SEMA5A: variants seen among roughly 807,000 people sequenced by gnomAD.
SEMA5A encodes semaphorin 5A.
Under a neutral mutation model 135.5 loss-of-function variants are expected in SEMA5A, and 55 were observed. The ratio of observed to expected loss-of-function variants is 0.41; its 90% CI spans 0.33 to 0.51. The LOEUF is 0.51. Ranked by LOEUF, SEMA5A falls within the 20% of genes least tolerant of loss-of-function variation. The pLI, the probability that SEMA5A is intolerant of heterozygous loss-of-function variation, is 0.37. For synonymous variants in SEMA5A, 580 were observed against 546.5 expected (o/e 1.06, Z -0.85); for missense variants, 1,290 against 1,419.9 (o/e 0.91, Z 1.47).
At chr5:9,174,235 A>C (rs1015940846) in intron 11 of SEMA5A, among the ~76,000 whole-genome samples, 1 of 152,188 alleles carries the variant, frequency 6.6e-6, no homozygotes, top group African/African-American at 2.4e-5. Flanking sequence ...AAATGTTCTA[A>C]GTGTTAATTT....
intron 16 of SEMA5A, among the ~76,000 whole-genome samples, chr5:9,099,149 T>C (rs1469262547): frequency 6.6e-6 from 1 of 152,196 alleles, no homozygotes; most frequent in Non-Finnish European, 1.5e-5. Flanking sequence ...ATCATTTTTC[T>C]TTTCTCTCCA....
At chr5:9,362,260 A>G (rs1458223389) in intron 3 of SEMA5A, among the ~76,000 whole-genome samples, 2 of 151,952 alleles carry the variant, frequency 1.3e-5, no homozygotes, top group East Asian at 1.9e-4. Flanking sequence ...AGGCATTTCA[A>G]CTTGGGTTCC....
intron 6 of SEMA5A, among the ~76,000 whole-genome samples, 180 bp from the exon 7 acceptor site, chr5:9,227,147 CA>C (rs1747359606): frequency 1.3e-5 from 2 of 151,704 alleles, no homozygotes; most frequent in South Asian, 4.2e-4. Context: ...AGATATTGAC[CA>C]AAAAATAACA....
At chr5:9,487,257 A>G (rs940213036) in intron 1 of SEMA5A, among the ~76,000 whole-genome samples, 1 of 152,216 alleles carries the variant, frequency 6.6e-6, no homozygotes, top group Non-Finnish European at 1.5e-5. Context: ...ACGTGGCAGC[A>G]GGCATTATTC....
intron 8 of SEMA5A, 133 bp from the exon 9 acceptor site, chr5:9,202,373 A>ATAT: frequency 1.4e-6 from 1 of 736,840 alleles, no homozygotes; most frequent in Non-Finnish European, 2.1e-6. Context: ...GACTATTGGG[A>ATAT]GGCCCCGTGA....
intron 1 of SEMA5A, among the ~76,000 whole-genome samples, chr5:9,503,142 A>G (rs1735681774): frequency 6.6e-6 from 1 of 151,994 alleles, no homozygotes; most frequent in Admixed American, 6.6e-5. Context: ...AGAGAGAGAG[A>G]CAGAATGAAT....
chr5:9,187,046 T>A (rs1249288553), intron 11 of SEMA5A, among the ~76,000 whole-genome samples: 1 of 152,156 alleles, frequency 6.6e-6, no homozygotes, highest in Non-Finnish European at 1.5e-5. Flanking sequence ...TAGTTATAAA[T>A]AAGAGACCGG....
chr5:9,150,133 C>T (rs1170378863), intron 12 of SEMA5A, among the ~76,000 whole-genome samples: 1 of 152,332 alleles, frequency 6.6e-6, no homozygotes, highest in African/African-American at 2.4e-5. Flanking sequence ...GTCACCACTT[C>T]CAGCCTTTTC....
At chr5:9,277,802 C>T (rs909402145) in intron 5 of SEMA5A, among the ~76,000 whole-genome samples, 1 of 151,872 alleles carries the variant, frequency 6.6e-6, no homozygotes, top group African/African-American at 2.4e-5. Context: ...ATATCACGCA[C>T]TGTCAGGGGG....
chr5:9,326,614 T>C (rs988956775), intron 4 of SEMA5A, among the ~76,000 whole-genome samples: 2 of 152,036 alleles, frequency 1.3e-5, no homozygotes, highest in Non-Finnish European at 2.9e-5. Flanking sequence ...AACCTACCCC[T>C]ACTAAATATA....
intron 16 of SEMA5A, among the ~76,000 whole-genome samples, chr5:9,080,072 A>T (rs1250483668): frequency 6.6e-6 from 1 of 152,238 alleles, no homozygotes; most frequent in Non-Finnish European, 1.5e-5. Flanking sequence ...ATTATAAGTC[A>T]TTCTACTATA....
chr5:9,238,011 A>G, intron 5 of SEMA5A, 121 bp from the exon 6 acceptor site: 1 of 777,540 alleles, frequency 1.3e-6, no homozygotes, highest in East Asian at 2.6e-5. Context: ...TGGCACCAAC[A>G]TTTTCATACT....
At chr5:9,124,302 G>A (rs1740987155) in intron 13 of SEMA5A, among the ~76,000 whole-genome samples, 1 of 152,160 alleles carries the variant, frequency 6.6e-6, no homozygotes, top group Non-Finnish European at 1.5e-5. Context: ...ACGGCTTCTT[G>A]CCAAATCTGA....
chr5:9,302,982 A>T (rs1195764467), intron 5 of SEMA5A, among the ~76,000 whole-genome samples: 2 of 152,170 alleles, frequency 1.3e-5, no homozygotes, highest in African/African-American at 4.8e-5. Flanking sequence ...AATTTGGGAA[A>T]TTATGGTAAA....
chr5:9,506,919 T>A (rs929025679), intron 1 of SEMA5A, among the ~76,000 whole-genome samples: 1 of 152,158 alleles, frequency 6.6e-6, no homozygotes, highest in African/African-American at 2.4e-5. Context: ...CTGAGATAAC[T>A]TTTAAAATTG....
chr5:9,492,435 C>G (rs1446453273), intron 1 of SEMA5A, among the ~76,000 whole-genome samples: 2 of 152,126 alleles, frequency 1.3e-5, no homozygotes, highest in Non-Finnish European at 2.9e-5. Flanking sequence ...GACCCTTAAG[C>G]AATCCAAAAA....
intron 11 of SEMA5A, among the ~76,000 whole-genome samples, chr5:9,189,410 A>ACC (rs2150344893): frequency 7.1e-6 from 1 of 140,616 alleles, no homozygotes; most frequent in African/African-American, 2.6e-5. Flanking sequence ...AAAAAAAAAA[A>ACC]ACTAACTGGT....
chr5:9,083,898 C>A (rs972636152), intron 16 of SEMA5A, among the ~76,000 whole-genome samples: 1 of 152,188 alleles, frequency 6.6e-6, no homozygotes, highest in African/African-American at 2.4e-5. Flanking sequence ...GACAGACTGA[C>A]TTGTTTCATA....
chr5:9,484,583 C>A (rs1057261297), intron 1 of SEMA5A, among the ~76,000 whole-genome samples: 2 of 152,104 alleles, frequency 1.3e-5, no homozygotes, highest in Non-Finnish European at 2.9e-5. Context: ...TATGGTAGCA[C>A]GATTGAAGTG....
Sources: gnomAD v4.1 joint callset for allele counts (sites outside exome capture counted in the v4.1 genomes callset) on GRCh38, gnomAD v4.1.1 for gene constraint, MANE v1.5 for transcripts, NCBI Gene and HGNC (gene_info 2026-07-23, HGNC 2026-07-21) for gene names.